The following NSG1 variants were observed in gnomAD, a reference collection of about 807,000 sequenced individuals.
NSG1 encodes neuronal vesicle trafficking-associated protein 1.
In NSG1, 9 loss-of-function variants were observed where a neutral mutation model predicts 19.3. That is an observed-to-expected ratio of 0.47 (90% CI 0.28 to 0.81). The LOEUF (loss-of-function observed/expected upper bound fraction) is 0.81. Ranked by LOEUF, NSG1 falls within the 40% of genes least tolerant of loss-of-function variation. The pLI is 0.11. For synonymous variants in NSG1, 104 were observed against 107.0 expected, an observed-to-expected ratio of 0.97 and a Z score of 0.17; for missense variants, 236 against 242.4, an observed-to-expected ratio of 0.97 and a Z score of 0.18.
intron 4 of NSG1, among the ~76,000 whole-genome samples, chr4:4,411,774 A>ACAGCAC (rs879307843): frequency 6.9e-6 from 1 of 144,822 alleles, no homozygotes; most frequent in Non-Finnish European, 1.5e-5. Flanking sequence ...AAAACAAAAC[A>ACAGCAC]AAACAAAACA....
chr4:4,392,015 A>G (rs982894375), intron 3 of NSG1, among the ~76,000 whole-genome samples: 1 of 152,206 alleles, frequency 6.6e-6, no homozygotes, highest in Non-Finnish European at 1.5e-5. Context: ...TCATCTGAGC[A>G]ACCCTCCTGG....
At chr4:4,408,260 A>G (rs932377102) in intron 3 of NSG1, among the ~76,000 whole-genome samples, 1 of 152,104 alleles carries the variant, frequency 6.6e-6, no homozygotes, top group Non-Finnish European at 1.5e-5. Flanking sequence ...GTATGTGGCC[A>G]GGGGAGAGTC....
intron 3 of NSG1, among the ~76,000 whole-genome samples, chr4:4,396,267 CTG>C (rs1723244833): frequency 6.6e-6 from 1 of 152,116 alleles, no homozygotes; most frequent in Non-Finnish European, 1.5e-5. Context: ...GGTCTGGAGA[CTG>C]TCATTAGGGG....
intron 2 of NSG1, among the ~76,000 whole-genome samples, chr4:4,388,068 C>T (rs546165054): frequency 1.3e-5 from 2 of 152,346 alleles, no homozygotes; most frequent in Admixed American, 6.5e-5. Context: ...CTGCCCTGCT[C>T]CTCCCTTGCC....
At chr4:4,411,753 CAAAACA>C (rs1267735344) in intron 4 of NSG1, among the ~76,000 whole-genome samples, 1 of 85,870 alleles carries the variant, frequency 1.2e-5, no homozygotes, top group Admixed American at 1.1e-4. Flanking sequence ...AAAAACAAAA[CAAAACA>C]AAACAAAACA....
At chr4:4,408,908 T>C (rs1238378950) in intron 3 of NSG1, among the ~76,000 whole-genome samples, 1 of 152,222 alleles carries the variant, frequency 6.6e-6, no homozygotes, top group African/African-American at 2.4e-5. Context: ...CCAGCTGTCT[T>C]GCAGCTGTCG....
intron 3 of NSG1, 40 bp from the exon 4 acceptor site, chr4:4,409,533 G>A (rs748097827): frequency 2.7e-6 from 4 of 1,489,188 alleles, no homozygotes. Flanking sequence ...CTGTCCTGCT[G>A]CCTTCCGGCC....
intron 3 of NSG1, among the ~76,000 whole-genome samples, chr4:4,402,047 A>ATTTT (rs35299425): frequency 9.0e-5 from 11 of 122,324 alleles, no homozygotes; most frequent in Admixed American, 2.5e-4. Context: ...TGCCCAGCTA[A>ATTTT]TTTTTTTTTT....
chr4:4,407,305 C>T (rs1308373553), intron 3 of NSG1, among the ~76,000 whole-genome samples: 1 of 152,178 alleles, frequency 6.6e-6, no homozygotes, highest in African/African-American at 2.4e-5. Flanking sequence ...AATCTGCCTG[C>T]CAGGGGCCTG....
chr4:4,397,039 C>CTGTGTGTG (rs61613589), intron 3 of NSG1, among the ~76,000 whole-genome samples: 11,967 of 149,666 alleles, frequency 0.08, 569 homozygotes, highest in African/African-American at 0.12. Flanking sequence ...GTTCAGTCAT[C>CTGTGTGTG]TGTGTGTGTG....
intron 3 of NSG1, among the ~76,000 whole-genome samples, chr4:4,404,665 G>A (rs142966051): frequency 6.6e-6 from 1 of 152,232 alleles, no homozygotes; most frequent in Non-Finnish European, 1.5e-5. Flanking sequence ...AGGAAACGCC[G>A]ATGTCTGGCT....
rs943383092 is a variant in NSG1, at chr4:4,409,487, G to GT, written c.247-85dup. On this transcript the variant is annotated intron_variant, in intron 3 of 4. Coordinates refer to ENST00000621129, the MANE Select transcript of NSG1 (RefSeq NM_014392.5). Reference sequence around the variant, plus strand: ...CAGAGATAGTCTCTGCACATGCTGTGTGGGGGGGGGCCTTCGTGTGCGGGT... The same window carrying GT: ...CAGAGATAGTCTCTGCACATGCTGTGTTGGGGGGGGGCCTTCGTGTGCGGGT... 7.3e-6 allele frequency: 7 copies of GT among 962,040 alleles called. No homozygotes were observed. In the East Asian group the frequency reaches 1.4e-4, roughly 20 times the overall value. The allele number at this position is 962,040 out of a possible 1,614,324, so 59.6% of individuals were successfully genotyped here. A position where few individuals can be genotyped will look rare whatever the true frequency, so the allele number is the denominator to read the frequency against.
chr4:4,407,012 G>A (rs1041890562), intron 3 of NSG1, among the ~76,000 whole-genome samples: 2 of 152,274 alleles, frequency 1.3e-5, no homozygotes. Context: ...GCGCTGGCCT[G>A]TGCACTGCAG....
In NSG1 at chr4:4,396,798, A is replaced by T. The variant is rs142561863; in HGVS notation, c.246+5207A>T. ...CAGTAAGCCCCTGGTGTGTTTCAAGATGCATTTCTTAAATATTTATGAAGA... is the reference window on the plus strand; with the variant it reads ...CAGTAAGCCCCTGGTGTGTTTCAAGTTGCATTTCTTAAATATTTATGAAGA... On this transcript the variant is annotated intron_variant, in intron 3 of 4. Coordinates refer to ENST00000621129, the MANE Select transcript of NSG1 (RefSeq NM_014392.5). Among the ~76,000 whole-genome samples the T allele has an allele frequency of 2.3e-3, 346 of 151,000 alleles. 1 individual carries two copies. Among genetic ancestry groups the T allele is most frequent in the Non-Finnish European group, 3.0e-3 (206 of 67,882 alleles).
In NSG1 at chr4:4,387,615, G is replaced by T; in HGVS notation, c.-15G>T. 1 of 1,601,504 alleles carries T rather than the reference G, an allele frequency of 6.2e-7. No individual in the cohort carries two copies. Among genetic ancestry groups the T allele is most frequent in the Non-Finnish European group, 8.5e-7 (1 of 1,173,496 alleles). ...CCCTCCCGCCGCAGGCTGCAGCCTCGGAGCTCCCGGAACGATGGTGAAGTT... is the reference window on the plus strand; with the variant it reads ...CCCTCCCGCCGCAGGCTGCAGCCTCTGAGCTCCCGGAACGATGGTGAAGTT... On this transcript the variant is annotated 5_prime_UTR_variant, in exon 2 of 5. Transcript: ENST00000621129.
chr4:4,403,104 ACTCACTCACTCG>A (rs775899629), intron 3 of NSG1, among the ~76,000 whole-genome samples: 36 of 152,140 alleles, frequency 2.4e-4, no homozygotes, highest in Admixed American at 5.9e-4. Context: ...TCACTCACTC[ACTCACTCACTCG>A]CTGAACGTGC....
At chr4:4,387,842 G>C in intron 2 of NSG1, 84 bp downstream of exon 2, 3 of 1,159,512 alleles carry the variant, frequency 2.6e-6, no homozygotes, top group Non-Finnish European at 2.5e-6. Flanking sequence ...AACGCGCCGC[G>C]TGCGCTGGGT....
rs918315010 is a variant in NSG1, at chr4:4,402,848, T to C, written c.247-6725T>C. On this transcript the variant is annotated intron_variant, in intron 3 of 4. Transcript: ENST00000621129. ...CAACCTAGAGACTGCCTGGCCCACC[T>C]GGAGAAGCCAGGCATGGGAATCAGA... Among the ~76,000 whole-genome samples, 3 of 152,202 alleles carry C rather than the reference T, an allele frequency of 2.0e-5. No individual in the cohort carries two copies. In the East Asian group the frequency reaches 5.8e-4, roughly 29 times the overall value.
intron 4 of NSG1, among the ~76,000 whole-genome samples, chr4:4,410,628 G>A (rs1164740889): frequency 6.6e-6 from 1 of 152,138 alleles, no homozygotes; most frequent in East Asian, 1.9e-4. Flanking sequence ...ACGTTATAAC[G>A]CATGGTCCAC....
Sources: gnomAD v4.1 joint callset for allele counts (sites outside exome capture counted in the v4.1 genomes callset) on GRCh38, gnomAD v4.1.1 for gene constraint, MANE v1.5 for transcripts, NCBI Gene and HGNC (gene_info 2026-07-23, HGNC 2026-07-21) for gene names.